The following NOXRED1 variants were observed in gnomAD, a reference collection of about 807,000 sequenced individuals.
The protein encoded by NOXRED1 is NADP-dependent oxidoreductase domain-containing protein 1.
NOXRED1 carries 20 observed loss-of-function variants against 30.4 expected under a neutral mutation model. That is an observed-to-expected ratio of 0.66 (90% CI 0.46 to 0.96). NOXRED1 has a LOEUF of 0.96. Ranked by LOEUF, NOXRED1 falls within the 40% of genes least tolerant of loss-of-function variation. NOXRED1 has a pLI of 0.00. For synonymous variants in NOXRED1, 155 were observed against 168.0 expected (o/e 0.92, Z 0.60); for missense variants, 374 against 428.0 (o/e 0.87, Z 1.11).
At chr14:77,396,279 C>T (rs370193696) in intron 5 of NOXRED1, among the ~76,000 whole-genome samples, 1,507 of 118,646 alleles carry the variant, frequency 0.013, 20 homozygotes, top group South Asian at 0.033. Context: ...AATGGAGTTT[C>T]GCTCTTGTTG....
chr14:77,421,241 G>A (rs532863731), intron 1 of NOXRED1, among the ~76,000 whole-genome samples: 2 of 152,318 alleles, frequency 1.3e-5, no homozygotes, highest in East Asian at 3.9e-4. Flanking sequence ...AGCTGTTCTT[G>A]GATTTGTACC....
chr14:77,408,012 C>T (rs1894528867), intron 2 of NOXRED1, among the ~76,000 whole-genome samples: 1 of 151,978 alleles, frequency 6.6e-6, no homozygotes, highest in Non-Finnish European at 1.5e-5. Flanking sequence ...AGATTACAGG[C>T]ATGCGCCACC....
intron 1 of NOXRED1, among the ~76,000 whole-genome samples, chr14:77,418,764 A>G (rs1464253928): frequency 6.6e-6 from 1 of 151,952 alleles, no homozygotes; most frequent in Non-Finnish European, 1.5e-5. Context: ...CCTAAGCCCA[A>G]GCAATTCTCC....
chr14:77,404,591 A>C (rs1894408859), intron 5 of NOXRED1, among the ~76,000 whole-genome samples: 1 of 152,168 alleles, frequency 6.6e-6, no homozygotes. Context: ...AGTGGAAAAG[A>C]TCACCGGGAA....
At chr14:77,416,897 T>G (rs1020198972) in intron 1 of NOXRED1, among the ~76,000 whole-genome samples, 2 of 152,138 alleles carry the variant, frequency 1.3e-5, no homozygotes, top group African/African-American at 4.8e-5. Context: ...CACCTCCCAG[T>G]AGGGGCGGCC....
chr14:77,410,298 AC>A (rs1047555391), intron 2 of NOXRED1, among the ~76,000 whole-genome samples: 3 of 152,274 alleles, frequency 2.0e-5, no homozygotes, highest in African/African-American at 7.2e-5. Context: ...AAAGAAAAAA[AC>A]ATTACAAATC....
At chr14:77,408,892 A>ATTTTTTTTATTTTTTTTTTTTT (rs1894556754) in intron 2 of NOXRED1, among the ~76,000 whole-genome samples, 1 of 68,154 alleles carries the variant, frequency 1.5e-5, no homozygotes, top group Non-Finnish European at 2.7e-5. Flanking sequence ...CTGGTAGTTA[A>ATTTTTTTTATTTTTTTTTTTTT]TTTTTTTTTT....
intron 5 of NOXRED1, among the ~76,000 whole-genome samples, chr14:77,399,794 C>T (rs1300349732): frequency 6.6e-6 from 1 of 151,962 alleles, no homozygotes. Context: ...AGAAAGGACA[C>T]AAGAAATATT....
intron 5 of NOXRED1, among the ~76,000 whole-genome samples, chr14:77,405,279 C>T (rs1894426060): frequency 6.6e-6 from 1 of 152,214 alleles, no homozygotes; most frequent in Non-Finnish European, 1.5e-5. Context: ...CCTGTAATCC[C>T]AGCTACTCGG....
chr14:77,395,502 TG>T (rs1486460532), intron 5 of NOXRED1, among the ~76,000 whole-genome samples: 1 of 152,098 alleles, frequency 6.6e-6, no homozygotes, highest in African/African-American at 2.4e-5. Flanking sequence ...CCTCTTTAGC[TG>T]TATAGATTAA....
Position 77,423,305 on chromosome 14 carries a change from A to G in NOXRED1, c.-416T>C, listed in dbSNP as rs1895051331. ...GCGTTTTGGAAATAGGACTGAACAC[A>G]TAGAACCACATTTCAAAGAAATGCT... On this transcript the variant is annotated 5_prime_UTR_variant, in exon 1 of 6. It removes an upstream start codon present in the reference 5' UTR. Transcript: ENST00000380835. Among the ~76,000 whole-genome samples, 2 of 152,210 alleles carry G rather than the reference A, an allele frequency of 1.3e-5. No individual in the cohort carries two copies. Among genetic ancestry groups the G allele is most frequent in the Non-Finnish European group, 1.5e-5 (1 of 68,038 alleles).
upstream of NOXRED1, among the ~76,000 whole-genome samples, chr14:77,425,622 G>A (rs1166785303): frequency 6.6e-6 from 1 of 152,250 alleles, no homozygotes; most frequent in Admixed American, 6.5e-5. Flanking sequence ...GATGGAGTCT[G>A]ATCCCCTTAA....
chr14:77,407,096 C>G (rs753488459), intron 3 of NOXRED1, among the ~76,000 whole-genome samples: 2 of 152,218 alleles, frequency 1.3e-5, no homozygotes, highest in African/African-American at 2.4e-5. Context: ...GGGCTAGAAA[C>G]TAAGTGTGCA....
In NOXRED1 at chr14:77,394,741, A is replaced by G. The variant is rs1456651274; in HGVS notation, c.970T>C (p.Ser324Pro). 6.2e-7 allele frequency: 1 copy of G among 1,613,416 alleles called. No individual in the cohort carries two copies. The highest frequency in any genetic ancestry group is 2.2e-5 in the East Asian group (1 of 44,880). ...TGGTCTTGGAGAACAGGACTACTTG[A>G]GAGATGCTGGCTAAACGGAGTTTCC... ...LKETPFSQHL[S>P]SSPVLQDHLT... Residue 324 changes from serine to proline, a missense_variant, in exon 6 of 6, where the codon TCA becomes CCA. Physicochemically the swap from Ser to Pro is moderately conservative, Grantham distance 74. Transcript: ENST00000380835.
intron 5 of NOXRED1, among the ~76,000 whole-genome samples, chr14:77,398,497 G>A (rs1894242742): frequency 2.0e-5 from 3 of 152,102 alleles, no homozygotes; most frequent in Admixed American, 1.3e-4. Context: ...CACGTGGAAG[G>A]AGGAATGGGC....
At chr14:77,395,506 T>C (rs1185271179) in intron 5 of NOXRED1, among the ~76,000 whole-genome samples, 1 of 151,944 alleles carries the variant, frequency 6.6e-6, no homozygotes, top group Non-Finnish European at 1.5e-5. Flanking sequence ...TTTAGCTGTA[T>C]AGATTAAAAA....
chr14:77,406,943 G>T, intron 3 of NOXRED1, 68 bp from the exon 4 acceptor site: 1 of 1,425,658 alleles, frequency 7.0e-7, no homozygotes, highest in Non-Finnish European at 9.7e-7. Flanking sequence ...AACCCACTGT[G>T]TTTACATCCA....
At chr14:77,406,194 AC>A (rs1183102910) in intron 4 of NOXRED1, 59 bp from the exon 5 acceptor site, 16 of 1,244,462 alleles carry the variant, frequency 1.3e-5, no homozygotes, top group Non-Finnish European at 1.9e-5. Context: ...GTTGCAGAAA[AC>A]CTAGAATAAA....
chr14:77,399,468 G>C (rs543870365), intron 5 of NOXRED1, among the ~76,000 whole-genome samples: 7 of 152,002 alleles, frequency 4.6e-5, no homozygotes, highest in African/African-American at 1.4e-4. Flanking sequence ...AAATAACTAT[G>C]ACTAATATGC....
Sources: allele counts gnomAD v4.1 joint callset (sites outside exome capture counted in the v4.1 genomes callset), GRCh38; gene constraint gnomAD v4.1.1; transcripts MANE v1.5; gene names NCBI Gene and HGNC (gene_info 2026-07-23, HGNC 2026-07-21).